MED13: variants seen among roughly 807,000 people sequenced by gnomAD.
The protein encoded by MED13 is mediator of RNA polymerase II transcription subunit 13.
MED13 carries 23 observed loss-of-function variants against 225.2 expected under a neutral mutation model. That is an observed-to-expected ratio of 0.10 (90% CI 0.07 to 0.14). The LOEUF is 0.14. MED13 is among the 10% of genes least tolerant of loss of function. The pLI is 1.00. For synonymous variants in MED13, 942 were observed against 889.2 expected (o/e 1.06, Z -1.06); for missense variants, 2,197 against 2,594.5 (o/e 0.85, Z 3.33).
Position 61,952,986 on chromosome 17 carries a change from G to A in MED13, c.6096C>T (p.Pro2032=), listed in dbSNP as rs752836940. The A allele has an allele frequency of 2.5e-6, 4 of 1,613,850 alleles. No individual in the cohort carries two copies. The highest frequency in any genetic ancestry group is 3.4e-6 in the Non-Finnish European group (4 of 1,179,908). The part of the protein sequence containing the change: ...SPVHSPGSHY[P]HGGDAGKGQS... Reference sequence around the variant, plus strand: ...TTACCTTGCCCGCATCACCTCCATGGGGGTAATGAGATCCTGGAGAATGTA... The same window carrying A: ...TTACCTTGCCCGCATCACCTCCATGAGGGTAATGAGATCCTGGAGAATGTA... The change falls in exon 27 of 30, where the codon CCC becomes CCT. Residue 2032 remains proline, a synonymous_variant. Transcript: ENST00000397786.
chr17:61,944,274 A>G lies in MED13; in HGVS notation c.*2194T>C, dbSNP rs558045175. ...TTAGTGATTTTAAACAACTGAGAAT[A>G]TAACTTTTATTTTGTAAAGTCACTA... On this transcript the variant is annotated 3_prime_UTR_variant, in exon 30 of 30. Transcript: ENST00000397786. The G allele has an allele frequency of 3.3e-5, 5 of 152,654 alleles. No homozygotes were observed. The South Asian group carries it at 1.0e-3, about 32-fold the overall frequency. The allele number at this position is 152,654 out of a possible 1,614,324, so 9.5% of individuals were successfully genotyped here.
intron 3 of MED13, among the ~76,000 whole-genome samples, chr17:62,043,186 AAAGAAAG>A: frequency 5.9e-5 from 7 of 118,166 alleles, no homozygotes; most frequent in African/African-American, 2.1e-4. Flanking sequence ...AAAAAAAAAG[AAAGAAAG>A]AAAGAAAGAA....
At chr17:62,007,945 G>T (rs1490671647) in intron 9 of MED13, among the ~76,000 whole-genome samples, 1 of 148,054 alleles carries the variant, frequency 6.8e-6, no homozygotes, top group Non-Finnish European at 1.5e-5. Context: ...CCTGAACCCG[G>T]AAGGCAGAGC....
chr17:61,968,294 A>G, intron 17 of MED13, 36 bp from the exon 18 acceptor site: 1 of 1,372,662 alleles, frequency 7.3e-7, no homozygotes, highest in Non-Finnish European at 1.0e-6. Flanking sequence ...AAAACACTTA[A>G]AAACAAGACA....
At position 61,983,061 on chromosome 17, in the gene MED13, T is replaced by C. The variant is rs2143462288; in HGVS notation, c.2942A>G (p.His981Arg). ...EYGTAYTPQT[H>R]TSFGMPPSSA... ...GCTAGGAGGCATCCCAAAAGAAGTATGAGTTTGAGGTGTATAAGCAGTGCC... is the reference window on the plus strand; with the variant it reads ...GCTAGGAGGCATCCCAAAAGAAGTACGAGTTTGAGGTGTATAAGCAGTGCC... The change falls in exon 16 of 30, where the codon CAT becomes CGT. Residue 981 changes from histidine (H) to arginine (R), a missense_variant. This residue lies in a region of MED13 where 160 missense variants were observed against 184.8 expected (regional missense o/e 0.87). Transcript: ENST00000397786. 1.2e-6 allele frequency: 2 copies of C among 1,613,338 alleles called. No individual in the cohort carries two copies. Among genetic ancestry groups the C allele is most frequent in the Non-Finnish European group, 1.7e-6 (2 of 1,179,516 alleles).
chr17:62,030,167 C>T (rs1177520430), intron 6 of MED13, 154 bp from the exon 7 acceptor site: 5 of 724,314 alleles, frequency 6.9e-6, no homozygotes, highest in Non-Finnish European at 1.0e-5. Flanking sequence ...CTTTTTGGAA[C>T]CAGATCTCAT....
In MED13 at chr17:62,031,641, GAAAGGA is replaced by G; in HGVS notation, c.815-9_815-4del. ...TGGGTAGATCATTCGGACACCAGCT[GAAAGGA>G]AAAAAATGGGACAGGAAAACCAATT... On this transcript the variant is annotated splice_polypyrimidine_tract_variant and splice_region_variant and intron_variant, in intron 5 of 29. Coordinates refer to ENST00000397786, the MANE Select transcript of MED13 (RefSeq NM_005121.3). 14 of 1,528,164 alleles carry G rather than the reference GAAAGGA, an allele frequency of 9.2e-6. No individual in the cohort carries two copies. The highest frequency in any genetic ancestry group is 1.2e-5 in the Non-Finnish European group (14 of 1,136,606). 94.7% of individuals were successfully genotyped at this position (1,528,164 alleles called of 1,614,324 possible).
At chr17:62,064,291 C>G (rs1273507437) in intron 1 of MED13, among the ~76,000 whole-genome samples, 2 of 152,232 alleles carry the variant, frequency 1.3e-5, no homozygotes, top group African/African-American at 2.4e-5. Context: ...GTTGGTACTT[C>G]TGAAAGCCTT....
At chr17:62,039,218 C>A (rs978343263) in intron 3 of MED13, among the ~76,000 whole-genome samples, 1 of 152,126 alleles carries the variant, frequency 6.6e-6, no homozygotes, top group Non-Finnish European at 1.5e-5. Context: ...ATACAATAGT[C>A]TGATCTTATT....
intron 17 of MED13, among the ~76,000 whole-genome samples, chr17:61,970,768 T>C (rs1467630708): frequency 2.0e-5 from 3 of 146,846 alleles, no homozygotes; most frequent in Admixed American, 6.9e-5. Context: ...TGGGTGCTTA[T>C]AATCCTAGCC....
intron 20 of MED13, 25 bp downstream of exon 20, chr17:61,964,981 C>T (rs748166040): frequency 6.3e-7 from 1 of 1,582,550 alleles, no homozygotes; most frequent in Non-Finnish European, 8.6e-7. Context: ...TATATTTCTG[C>T]AAAAATCAGT....
At chr17:61,958,549 G>A (rs1047444166) in intron 23 of MED13, among the ~76,000 whole-genome samples, 1 of 152,016 alleles carries the variant, frequency 6.6e-6, no homozygotes, top group Non-Finnish European at 1.5e-5. Context: ...ATGTTGGCCA[G>A]GATGGTCTTG....
intron 28 of MED13, among the ~76,000 whole-genome samples, chr17:61,948,398 T>G (rs1055413611): frequency 6.6e-6 from 1 of 152,212 alleles, no homozygotes; most frequent in African/African-American, 2.4e-5. Flanking sequence ...AAAGTTGTGT[T>G]TCCTGAACAC....
rs1480916223 is a variant in MED13, at chr17:61,966,552, C to T, written c.4291G>A (p.Val1431Ile). 13 of 1,613,840 alleles carry T rather than the reference C, an allele frequency of 8.1e-6. No homozygotes were observed. Among genetic ancestry groups the T allele is most frequent in the South Asian group, 6.6e-5 (6 of 91,088 alleles). Residue 1431 changes from valine to isoleucine, a missense_variant, in exon 19 of 30, where the codon GTA (valine) becomes ATA (isoleucine). By Grantham distance (29) the Val-to-Ile change is conservative. Around this residue, in one of 12 missense-constraint regions of MED13, gnomAD observed 457 missense variants for 442.2 expected, o/e 1.03. Transcript: ENST00000397786. Reference sequence around the variant, plus strand: ...GCTGCCTGAGAAAACCATTCTGCTACCAACTTTTCTGATAGTTTCTTTGAT... The same window carrying T: ...GCTGCCTGAGAAAACCATTCTGCTATCAACTTTTCTGATAGTTTCTTTGAT... Reference protein sequence around the residue: ...TASKKLSEKLVAEWFSQAADG... With the variant: ...TASKKLSEKLIAEWFSQAADG...
chr17:62,005,888 G>A (rs924201828), intron 9 of MED13: 1 of 152,114 alleles, frequency 6.6e-6, no homozygotes, highest in African/African-American at 2.4e-5. Context: ...CCATACTGAT[G>A]CTGAACTTGA....
intron 3 of MED13, among the ~76,000 whole-genome samples, chr17:62,048,280 C>A (rs2080920615): frequency 6.7e-6 from 1 of 149,096 alleles, no homozygotes. Context: ...TGGCTAGTGT[C>A]TGTGGTCCCA....
At chr17:62,048,398 CAAAAA>C (rs555420453) in intron 3 of MED13, among the ~76,000 whole-genome samples, 4 of 68,088 alleles carry the variant, frequency 5.9e-5, no homozygotes, top group African/African-American at 1.1e-4. Context: ...GAGACTGTTT[CAAAAA>C]AAAAAAAAAA....
chr17:61,965,012 G>T lies in MED13; in HGVS notation c.4838C>A (p.Ser1613Tyr). ...SLPTQPHPDV[S>Y]ESTMDRDKVG... ...TCAGTATTTTTAAAGGTACCTTTCA[G>T]ACACATCAGGATGCGGCTGAGTGGG... Residue 1613 changes from serine (S) to tyrosine (Y), a missense_variant, in exon 20 of 30, where the codon TCT becomes TAT. Transcript: ENST00000397786. 1 of 1,613,330 alleles carries T rather than the reference G, an allele frequency of 6.2e-7. No individual in the cohort carries two copies. The highest frequency in any genetic ancestry group is 1.1e-5 in the South Asian group (1 of 91,042).
At chr17:61,987,224 CAGG>C in intron 11 of MED13, 96 bp from the exon 12 acceptor site, 1 of 658,290 alleles carries the variant, frequency 1.5e-6, no homozygotes, top group East Asian at 3.8e-5. Context: ...ATCACGAGGT[CAGG>C]AGTTCAGGAC....
Sources: allele counts gnomAD v4.1 joint callset (sites outside exome capture counted in the v4.1 genomes callset), GRCh38; gene constraint gnomAD v4.1.1; regional missense constraint gnomAD v4.1.1; transcripts MANE v1.5; gene names NCBI Gene and HGNC (gene_info 2026-07-23, HGNC 2026-07-21).